The following BDH1 variants were observed in gnomAD, a reference collection of about 807,000 sequenced individuals.
The protein encoded by BDH1 is D-beta-hydroxybutyrate dehydrogenase, mitochondrial.
BDH1 carries 30 observed loss-of-function variants against 33.1 expected under a neutral mutation model. That is an observed-to-expected ratio of 0.91 (90% confidence interval 0.68 to 1.23). The LOEUF is 1.23. Among genes scored for constraint, BDH1 ranks in the 50% most tolerant of loss-of-function variants. The probability of loss-of-function intolerance (pLI) is 0.00; values close to 1 mark genes in which losing one functional copy is unlikely to be tolerated. For synonymous variants in BDH1, 190 were observed against 183.6 expected, an observed-to-expected ratio of 1.03 and a Z score of -0.28; for missense variants, 443 against 464.4, an observed-to-expected ratio of 0.95 and a Z score of 0.42.
upstream of BDH1, among the ~76,000 whole-genome samples, chr3:197,556,253 C>T (rs936620351): frequency 6.6e-6 from 1 of 152,232 alleles, no homozygotes; most frequent in Admixed American, 6.5e-5. Context: ...AGGGTGAAGG[C>T]GCCGCTCCTT....
At chr3:197,570,371 C>T (rs1717568249) in intron 1 of BDH1, among the ~76,000 whole-genome samples, 1 of 152,200 alleles carries the variant, frequency 6.6e-6, no homozygotes, top group African/African-American at 2.4e-5. Context: ...CAGAAATTTG[C>T]ATAAGTAATG....
chr3:197,533,640 G>T (rs955342868), intron 3 of BDH1, 79 bp from the exon 4 acceptor site: 11 of 1,415,598 alleles, frequency 7.8e-6, no homozygotes, highest in South Asian at 3.5e-5. Flanking sequence ...GCAGCACTGG[G>T]TGTCTCTCCA....
chr3:197,543,322 C>G (rs1560332032), intron 3 of BDH1: 2 of 369,458 alleles, frequency 5.4e-6, no homozygotes, highest in Non-Finnish European at 7.5e-6. Flanking sequence ...TGAGCCTAGG[C>G]TGGACAGGAA....
At position 197,521,420 on chromosome 3, in the gene BDH1, G is replaced by T. The variant is rs1713537901; in HGVS notation, c.409+1220C>A. On this transcript the variant is annotated intron_variant, in intron 6 of 7. Transcript: ENST00000392379. This position sits in a 1 kb window ranked among gnomAD's most constrained non-coding sequence, Gnocchi z 4.9. ...CTTTCTGTAGCTTTTGACCCTGTTGGCTACTGGTACTGCCCTCTCCTCCAA... is the reference window on the plus strand; with the variant it reads ...CTTTCTGTAGCTTTTGACCCTGTTGTCTACTGGTACTGCCCTCTCCTCCAA... Among the ~76,000 whole-genome samples the T allele has an allele frequency of 6.6e-6, 1 of 152,076 alleles. No individual in the cohort carries two copies. The highest frequency in any genetic ancestry group is 1.5e-5 in the Non-Finnish European group (1 of 68,010).
upstream of BDH1, among the ~76,000 whole-genome samples, chr3:197,558,803 T>G (rs1261200654): frequency 6.6e-6 from 1 of 152,162 alleles, no homozygotes; most frequent in Non-Finnish European, 1.5e-5. Flanking sequence ...CTGGAAGCCT[T>G]GAAGCTGTTT....
intron 3 of BDH1, among the ~76,000 whole-genome samples, chr3:197,535,261 T>G (rs925775921): frequency 2.0e-5 from 3 of 152,226 alleles, no homozygotes; most frequent in African/African-American, 7.2e-5. Context: ...TATTGAATCG[T>G]TCATTCTTCT....
intron 1 of BDH1, among the ~76,000 whole-genome samples, chr3:197,568,053 G>A (rs921914936): frequency 4.6e-5 from 7 of 152,086 alleles, no homozygotes; most frequent in African/African-American, 7.2e-5. Context: ...GGCCCTGCCC[G>A]GGGTCTGAAT....
At chr3:197,539,934 C>T (rs1202988344) in intron 3 of BDH1, among the ~76,000 whole-genome samples, 1 of 152,204 alleles carries the variant, frequency 6.6e-6, no homozygotes, top group Non-Finnish European at 1.5e-5. Flanking sequence ...TTGTCTACTG[C>T]AAGTCCTCTG....
chr3:197,547,217 T>G (rs1412671016), intron 2 of BDH1, among the ~76,000 whole-genome samples: 2 of 152,238 alleles, frequency 1.3e-5, no homozygotes, highest in African/African-American at 4.8e-5. Flanking sequence ...CTCTTCAGCA[T>G]TATTGACCGC....
Position 197,510,666 on chromosome 3 carries a change from GTGTGTACA to G in BDH1, c.*1221_*1228del, listed in dbSNP as rs1711878710. On this transcript the variant is annotated 3_prime_UTR_variant, in exon 8 of 8. Coordinates refer to ENST00000392379, the MANE Select transcript of BDH1 (RefSeq NM_203314.3). ...TGTGTGTGTGTGTGTGTGTGTGTGT[GTGTGTACA>G]TGTGTGTAAGGTGTGTGTGTGTGTG... is the stretch of plus-strand genomic sequence containing the variant. 4 of 54,630 alleles carry G rather than the reference GTGTGTACA, an allele frequency of 7.3e-5. No homozygotes were observed. The highest frequency in any genetic ancestry group is 1.8e-4 in the Admixed American group (1 of 5,478). 3.4% of individuals were successfully genotyped at this position (54,630 alleles called of 1,614,324 possible).
chr3:197,560,701 G>T (rs570424345), upstream of BDH1, among the ~76,000 whole-genome samples: 13 of 152,280 alleles, frequency 8.5e-5, no homozygotes, highest in South Asian at 2.7e-3. Context: ...TTTCAAACAG[G>T]TGTGAAAGGA....
chr3:197,531,982 C>G (rs1714705228), intron 5 of BDH1, among the ~76,000 whole-genome samples: 1 of 152,204 alleles, frequency 6.6e-6, no homozygotes, highest in South Asian at 2.1e-4. Context: ...GAACAAATGT[C>G]ACTTCCTCTG....
At chr3:197,549,788 A>G (rs370215059) in intron 2 of BDH1, among the ~76,000 whole-genome samples, 4 of 152,238 alleles carry the variant, frequency 2.6e-5, no homozygotes, top group East Asian at 3.8e-4. Flanking sequence ...TTGTTTGGCC[A>G]GCCTGCTGTT....
At chr3:197,535,533 C>A (rs895755878) in intron 3 of BDH1, among the ~76,000 whole-genome samples, 4 of 152,184 alleles carry the variant, frequency 2.6e-5, no homozygotes, top group African/African-American at 9.7e-5. Flanking sequence ...CTACAATCAT[C>A]CATGCACCAC....
intron 6 of BDH1, among the ~76,000 whole-genome samples, chr3:197,518,851 AC>A (rs34005222): frequency 0.26 from 2,837 of 10,868 alleles, 597 homozygotes; most frequent in African/African-American, 0.54. Context: ...CCTCAGGCCG[AC>A]CCCCCTCATC....
Position 197,520,027 on chromosome 3 carries a change from A to G in BDH1, c.409+2613T>C, listed in dbSNP as rs2686065. Reference sequence around the variant, plus strand: ...AGAGGACCCTTCTGACATGTCCTGCATGGGGTGTGGGTCGGTGGCGGCCAC... The same window carrying G: ...AGAGGACCCTTCTGACATGTCCTGCGTGGGGTGTGGGTCGGTGGCGGCCAC... On this transcript the variant is annotated intron_variant, in intron 6 of 7. Transcript: ENST00000392379. This position sits in a 1 kb window ranked among gnomAD's most constrained non-coding sequence, Gnocchi z 6.0. 0.42 allele frequency among the ~76,000 whole-genome samples: 63,686 copies of G among 151,780 alleles called. 14,882 individuals carry two copies. The highest frequency in any genetic ancestry group is 0.64 in the African/African-American group (26,280 of 41,364).
chr3:197,512,256 T>C lies in BDH1; in HGVS notation c.671A>G (p.Tyr224Cys). The change falls in exon 8 of 8, where the codon TAT becomes TGT. Residue 224 changes from tyrosine (Y) to cysteine (C), a missense_variant. By Grantham distance (194) the Tyr-to-Cys change is radical. Coordinates refer to ENST00000392379, the MANE Select transcript of BDH1 (RefSeq NM_203314.3). Reference sequence around the variant, plus strand: ...CTTCACGCCCAGGGGGTACATCTCATAGCGCAGGCAGTCCGAGAAAGCCTC... The same window carrying C: ...CTTCACGCCCAGGGGGTACATCTCACAGCGCAGGCAGTCCGAGAAAGCCTC... The part of the protein sequence containing the change: ...GVEAFSDCLR[Y>C]EMYPLGVKVS... 1.2e-6 allele frequency: 2 copies of C among 1,613,366 alleles called. No individual in the cohort carries two copies. Among genetic ancestry groups the C allele is most frequent in the Non-Finnish European group, 1.7e-6 (2 of 1,180,006 alleles).
intron 1 of BDH1, among the ~76,000 whole-genome samples, chr3:197,567,858 G>T (rs558135194): frequency 2.0e-5 from 3 of 152,276 alleles, no homozygotes; most frequent in South Asian, 2.1e-4. Flanking sequence ...TCTAATAAGG[G>T]TTCAGGATAG....
At chr3:197,531,418 A>T (rs4857525) in intron 5 of BDH1, among the ~76,000 whole-genome samples, 37,502 of 136,914 alleles carry the variant, frequency 0.27, 5,170 homozygotes, top group Non-Finnish European at 0.3. Context: ...TTAAAAAAAA[A>T]ATATATATAT....
Sources: allele counts gnomAD v4.1 joint callset (sites outside exome capture counted in the v4.1 genomes callset), GRCh38; gene constraint gnomAD v4.1.1; non-coding constraint Gnocchi (gnomAD v3.1); transcripts MANE v1.5; gene names NCBI Gene and HGNC (gene_info 2026-07-23, HGNC 2026-07-21).